POMT1: variants seen among roughly 807,000 people sequenced by gnomAD.
POMT1 encodes the protein protein O-mannosyltransferase 1.
A neutral mutation model predicts 101.6 loss-of-function variants in POMT1; 85 were observed. The ratio of observed to expected loss-of-function variants is 0.84; its 90% CI spans 0.70 to 1.00. The LOEUF (loss-of-function observed/expected upper bound fraction) is 1.00. POMT1 is among the 50% of genes least tolerant of loss of function. The probability of loss-of-function intolerance (pLI) is 0.00; values close to 1 mark genes in which losing one functional copy is unlikely to be tolerated. For synonymous variants in POMT1, 371 were observed against 383.0 expected (o/e 0.97, Z 0.37); for missense variants, 857 against 930.4 (o/e 0.92, Z 1.03).
At chr9:131,513,378 G>A (rs1247856839) in intron 12 of POMT1, 47 bp downstream of exon 12, 2 of 1,551,066 alleles carry the variant, frequency 1.3e-6, no homozygotes, top group Non-Finnish European at 1.8e-6. Flanking sequence ...GGTTTCCTCT[G>A]TGGTTCTCTG....
chr9:131,505,297 AT>A (rs34623621), intron 2 of POMT1, among the ~76,000 whole-genome samples: 9 of 137,508 alleles, frequency 6.5e-5, no homozygotes, highest in African/African-American at 1.6e-4. Flanking sequence ...AAAGATGAGG[AT>A]TTTTTTTTTT....
intron 3 of POMT1, 53 bp from the exon 4 acceptor site, chr9:131,506,350 A>G: frequency 6.3e-7 from 1 of 1,579,638 alleles, no homozygotes. Context: ...TTGCCACAGT[A>G]CTCTAGAAAT....
chr9:131,510,106 G>A lies in POMT1; in HGVS notation c.699+110G>A, dbSNP rs1468942428. On this transcript the variant is annotated intron_variant, in intron 8 of 19. Transcript: ENST00000402686. ...CCAATCCTCAATGTTTTAGAAGCAG[G>A]CAGGCCTGGGCAGCCTCGCCTCTTG... is the stretch of plus-strand genomic sequence containing the variant. 4 of 1,613,340 alleles carry A rather than the reference G, an allele frequency of 2.5e-6. No individual in the cohort carries two copies. In the South Asian group the frequency reaches 3.3e-5, roughly 13 times the overall value.
intron 10 of POMT1, 48 bp from the exon 11 acceptor site, chr9:131,511,993 G>C (rs1354862620): frequency 6.2e-7 from 1 of 1,608,012 alleles, no homozygotes; most frequent in South Asian, 1.1e-5. Flanking sequence ...TTACAGGCCT[G>C]AGCCACCGCG....
rs1949520714 is a variant in POMT1, at chr9:131,519,670, C to T, written c.1584+184C>T. On this transcript the variant is annotated intron_variant, in intron 16 of 19. Transcript: ENST00000402686. This position sits in a 1 kb window ranked among gnomAD's most constrained non-coding sequence, Gnocchi z 4.3. ...CTGTGTGTGACACCCCTGGCCCACA[C>T]CTTGTGGCCCTGTGGTCAGGAATAA... Among the ~76,000 whole-genome samples the T allele has an allele frequency of 6.6e-6, 1 of 152,192 alleles. No homozygotes were observed. The highest frequency in any genetic ancestry group is 2.4e-5 in the African/African-American group (1 of 41,430).
At position 131,519,828 on chromosome 9, in the gene POMT1, A is replaced by G. The variant is rs1236472970; in HGVS notation, c.1585-252A>G. ...CGGTCACAAATCTGAACGTGACCTT[A>G]GAGAGCATTCAGCCCAATCACTTCG... On this transcript the variant is annotated intron_variant, in intron 16 of 19. Transcript: ENST00000402686. The surrounding 1 kb of genome is among the most constrained non-coding windows in gnomAD (Gnocchi z 4.3). Among the ~76,000 whole-genome samples the G allele has an allele frequency of 1.3e-5, 2 of 152,166 alleles. No individual in the cohort carries two copies. Among genetic ancestry groups the G allele is most frequent in the Non-Finnish European group, 2.9e-5 (2 of 68,016 alleles).
At chr9:131,511,090 C>T in intron 9 of POMT1, 1 of 470,190 alleles carries the variant, frequency 2.1e-6, no homozygotes, top group Non-Finnish European at 3.8e-6. Flanking sequence ...CTTGTAAGGA[C>T]TGAATAGGGT....
At position 131,523,017 on chromosome 9, in the gene POMT1, C is replaced by A; in HGVS notation, c.2089C>A (p.Leu697Ile). The A allele has an allele frequency of 6.2e-7, 1 of 1,610,410 alleles. No homozygotes were observed. Among genetic ancestry groups the A allele is most frequent in the Non-Finnish European group, 8.5e-7 (1 of 1,179,624 alleles). The change falls in exon 20 of 20, where the codon CTC (leucine) becomes ATC (isoleucine). Residue 697 changes from leucine to isoleucine, a missense_variant. By Grantham distance (5) the Leu-to-Ile change is conservative. Coordinates refer to ENST00000402686, the MANE Select transcript of POMT1 (RefSeq NM_001077365.2). ...ACHVSNTLRP[L>I]TYGDKSLSPH... Reference sequence around the variant, plus strand: ...CCACGTGTCCAACACGCTGCGCCCACTCACCTACGGGGACAAGTCACTCTC... The same window carrying A: ...CCACGTGTCCAACACGCTGCGCCCAATCACCTACGGGGACAAGTCACTCTC...
chr9:131,520,022 C>G, intron 16 of POMT1, 58 bp from the exon 17 acceptor site: 4 of 1,407,606 alleles, frequency 2.8e-6, no homozygotes, highest in Non-Finnish European at 3.0e-6. Flanking sequence ...TGACCAAATC[C>G]ACGCACAGCG....
In POMT1 at chr9:131,502,935, C is replaced by G. The variant is rs1438033682; in HGVS notation, c.-169C>G. 1 of 152,304 alleles carries G rather than the reference C, an allele frequency of 6.6e-6. No homozygotes were observed. Among genetic ancestry groups the G allele is most frequent in the African/African-American group, 2.4e-5 (1 of 41,466 alleles). 9.4% of individuals were successfully genotyped at this position (152,304 alleles called of 1,614,324 possible). A position where few individuals can be genotyped will look rare whatever the true frequency, so the allele number is the denominator to read the frequency against. On this transcript the variant is annotated 5_prime_UTR_variant, in exon 1 of 20. Coordinates refer to ENST00000402686, the MANE Select transcript of POMT1 (RefSeq NM_001077365.2). Reference sequence around the variant, plus strand: ...TGCTGCCCGTCTGGCCCCGCAGGCTCGGTGAATCGAACGTTGAGCAGGGCG... The same window carrying G: ...TGCTGCCCGTCTGGCCCCGCAGGCTGGGTGAATCGAACGTTGAGCAGGGCG...
chr9:131,517,166 C>T (rs186522448), intron 13 of POMT1, among the ~76,000 whole-genome samples: 61 of 152,234 alleles, frequency 4.0e-4, no homozygotes, highest in Admixed American at 1.9e-3. Context: ...AGCCCTGTTT[C>T]GCTTGACAGA....
Position 131,523,260 on chromosome 9 carries a change from A to G in POMT1, c.*154A>G. ...GTGGAACACATGGGGGTCTCATTGA[A>G]AAGCTCTCTGATGAGCACCTCCTTT... On this transcript the variant is annotated 3_prime_UTR_variant, in exon 20 of 20. Coordinates refer to ENST00000402686, the MANE Select transcript of POMT1 (RefSeq NM_001077365.2). 1 of 902,448 alleles carries G rather than the reference A, an allele frequency of 1.1e-6. No individual in the cohort carries two copies. The highest frequency in any genetic ancestry group is 2.6e-5 in the East Asian group (1 of 37,910). The allele number at this position is 902,448 out of a possible 1,614,324, so 55.9% of individuals were successfully genotyped here. A position where few individuals can be genotyped will look rare whatever the true frequency, so the allele number is the denominator to read the frequency against.
chr9:131,510,041 G>T lies in POMT1; in HGVS notation c.699+45G>T, dbSNP rs756395160. The stretch of plus-strand genomic sequence containing the variant: ...GCTGCATGAGGCCGGCCTGTATGGG[G>T]CAGATGCAGATGTCACAGGGGGTAC... On this transcript the variant is annotated intron_variant, in intron 8 of 19. Coordinates refer to ENST00000402686, the MANE Select transcript of POMT1 (RefSeq NM_001077365.2). The T allele has an allele frequency of 5.6e-6, 9 of 1,613,986 alleles. No homozygotes were observed. The highest frequency in any genetic ancestry group is 1.3e-5 in the African/African-American group (1 of 74,930).
rs1945745659 is a variant in POMT1, at chr9:131,506,100, G to T, written c.123-14G>T. 5.0e-6 allele frequency: 8 copies of T among 1,590,456 alleles called. No homozygotes were observed. Among genetic ancestry groups the T allele is most frequent in the East Asian group, 2.3e-5 (1 of 43,818 alleles). ...CTAATTGAATATAATATGGGTTGTT[G>T]TTTTTTTTTCTAGTTTTGACGAAGT... On this transcript the variant is annotated splice_polypyrimidine_tract_variant and intron_variant, in intron 2 of 19. Coordinates refer to ENST00000402686, the MANE Select transcript of POMT1 (RefSeq NM_001077365.2).
In POMT1 at chr9:131,510,479, T is replaced by A. The variant is rs1042955128; in HGVS notation, c.855+64T>A. ...AGATGATAGTGGACCCAGAGTTTTC[T>A]TACAAACACATCAAGTGAACATTAG... On this transcript the variant is annotated intron_variant, in intron 9 of 19. Transcript: ENST00000402686. 7 of 1,534,570 alleles carry A rather than the reference T, an allele frequency of 4.6e-6. No individual in the cohort carries two copies. In the African/African-American group the frequency reaches 9.6e-5, roughly 21 times the overall value.
At chr9:131,506,281 T>C (rs1945796671) in intron 3 of POMT1, 61 bp downstream of exon 3, 2 of 1,581,636 alleles carry the variant, frequency 1.3e-6, no homozygotes, top group East Asian at 2.2e-5. Flanking sequence ...TTAAAACTTA[T>C]CAGTGCATTT....
rs1483764507 is a variant in POMT1, at chr9:131,522,299, T to C, written c.2003+75T>C. ...GGGAAGCCCATGCGCAGCAAACACA[T>C]GGGGTGCAGCGAACCTCACCCATTT... On this transcript the variant is annotated intron_variant, in intron 19 of 19. Coordinates refer to ENST00000402686, the MANE Select transcript of POMT1 (RefSeq NM_001077365.2). The surrounding 1 kb of genome is among the most constrained non-coding windows in gnomAD (Gnocchi z 5.5). 3.1e-6 allele frequency: 5 copies of C among 1,597,512 alleles called. No individual in the cohort carries two copies. Among genetic ancestry groups the C allele is most frequent in the East Asian group, 2.2e-5 (1 of 44,560 alleles).
At chr9:131,510,022 T>C in intron 8 of POMT1, 26 bp downstream of exon 8, 1 of 1,614,212 alleles carries the variant, frequency 6.2e-7, no homozygotes, top group Non-Finnish European at 8.5e-7. Context: ...CAGTGCTGCA[T>C]GAGGCCGGCC....
intron 9 of POMT1, chr9:131,510,978 G>GA: frequency 7.2e-6 from 2 of 279,506 alleles, no homozygotes; most frequent in South Asian, 4.2e-5. Flanking sequence ...CCGACGGCCA[G>GA]TGCTGTAGTG....
Sources: allele counts gnomAD v4.1 joint callset (sites outside exome capture counted in the v4.1 genomes callset), GRCh38; gene constraint gnomAD v4.1.1; non-coding constraint Gnocchi (gnomAD v3.1); transcripts MANE v1.5; gene names NCBI Gene and HGNC (gene_info 2026-07-23, HGNC 2026-07-21).